Variants in PRKD1 observed in about 807,000 individuals in gnomAD.
PRKD1 encodes the protein serine/threonine-protein kinase D1.
PRKD1 carries 63 observed loss-of-function variants against 95.9 expected under a neutral mutation model. The ratio of observed to expected loss-of-function variants is 0.66; its 90% CI spans 0.54 to 0.81. PRKD1 has a LOEUF of 0.81. Ranked by LOEUF, PRKD1 falls within the 30% of genes least tolerant of loss-of-function variation. PRKD1 has a pLI of 0.00. For missense variants in PRKD1, 1,048 were observed against 1,165.3 expected, an observed-to-expected ratio of 0.90 and a Z score of 1.47; for synonymous variants, 425 against 423.1, an observed-to-expected ratio of 1.00 and a Z score of -0.05.
intron 1 of PRKD1, among the ~76,000 whole-genome samples, chr14:29,853,801 C>T (rs1255393467): frequency 1.3e-5 from 2 of 152,160 alleles, no homozygotes; most frequent in Non-Finnish European, 1.5e-5. Context: ...ATCATGGGCG[C>T]AGGTCTTTCC....
intron 1 of PRKD1, among the ~76,000 whole-genome samples, chr14:29,813,693 A>C (rs1890581601): frequency 6.6e-6 from 1 of 152,186 alleles, no homozygotes; most frequent in Non-Finnish European, 1.5e-5. Flanking sequence ...CACTCAATAG[A>C]TATTAGCAAT....
At chr14:29,911,442 C>T (rs1309271715) in intron 1 of PRKD1, among the ~76,000 whole-genome samples, 1 of 152,156 alleles carries the variant, frequency 6.6e-6, no homozygotes, top group Non-Finnish European at 1.5e-5. Context: ...AACCAATGTA[C>T]ATATCTGAAG....
chr14:29,737,051 G>C (rs773360735), intron 1 of PRKD1, among the ~76,000 whole-genome samples: 6 of 151,918 alleles, frequency 3.9e-5, no homozygotes, highest in Non-Finnish European at 8.8e-5. Context: ...GGCCGGGCGC[G>C]GTGGCTCACG....
At chr14:29,924,341 G>A (rs778456750) in intron 1 of PRKD1, among the ~76,000 whole-genome samples, 1 of 151,956 alleles carries the variant, frequency 6.6e-6, no homozygotes, top group Non-Finnish European at 1.5e-5. Flanking sequence ...AAGTACAATC[G>A]TGTCTGCTAC....
rs537310278 is a variant in PRKD1 at position 29,784,073 on chromosome 14, T to C, written c.265-58399A>G. On this transcript the variant is annotated intron_variant, in intron 1 of 17. Coordinates refer to ENST00000331968, the MANE Select transcript of PRKD1 (RefSeq NM_002742.3). Reference sequence around the variant, plus strand: ...CCAATGTCCTGAAGCATTTTCTCTATGTTTTCTTCTAGCGGTTTTATAGTT... The same window carrying C: ...CCAATGTCCTGAAGCATTTTCTCTACGTTTTCTTCTAGCGGTTTTATAGTT... Among the ~76,000 whole-genome samples the C allele has an allele frequency of 5.3e-4, 81 of 152,318 alleles. No homozygotes were observed. In the Middle Eastern group the frequency reaches 0.01, roughly 19 times the overall value.
intron 2 of PRKD1, among the ~76,000 whole-genome samples, chr14:29,676,978 C>A (rs1883264345): frequency 6.6e-6 from 1 of 152,172 alleles, no homozygotes; most frequent in Admixed American, 6.5e-5. Flanking sequence ...TTCAAGTTCT[C>A]AATAGCTACA....
intron 16 of PRKD1, among the ~76,000 whole-genome samples, chr14:29,583,459 C>T (rs1892813779): frequency 1.3e-5 from 2 of 152,080 alleles, no homozygotes; most frequent in African/African-American, 4.8e-5. Flanking sequence ...GCTAGTTCCT[C>T]CTTCTTTTTG....
chr14:29,901,827 A>G (rs1462451040), intron 1 of PRKD1, among the ~76,000 whole-genome samples: 1 of 152,168 alleles, frequency 6.6e-6, no homozygotes, highest in Non-Finnish European at 1.5e-5. Context: ...GATGTTAGGA[A>G]AAACAGGTAT....
At chr14:29,923,951 T>C (rs142851894) in intron 1 of PRKD1, among the ~76,000 whole-genome samples, 4 of 152,266 alleles carry the variant, frequency 2.6e-5, no homozygotes, top group African/African-American at 9.6e-5. Context: ...GTCTACATAT[T>C]CAAGGTTTCT....
At chr14:29,689,285 A>G (rs1310429712) in intron 2 of PRKD1, among the ~76,000 whole-genome samples, 2 of 152,040 alleles carry the variant, frequency 1.3e-5, no homozygotes, top group East Asian at 3.9e-4. Flanking sequence ...AAAACATTAC[A>G]AAGTGGGAAA....
intron 4 of PRKD1, among the ~76,000 whole-genome samples, chr14:29,651,822 G>A (rs935505102): frequency 7.9e-5 from 12 of 152,028 alleles, no homozygotes; most frequent in African/African-American, 2.9e-4. Context: ...TCTGCTCACT[G>A]CAACCTCCAC....
chr14:29,892,328 A>G (rs1893965792), intron 1 of PRKD1, among the ~76,000 whole-genome samples: 1 of 152,018 alleles, frequency 6.6e-6, no homozygotes. Context: ...TAAAGAACTC[A>G]AGTTTTCCAA....
intron 1 of PRKD1, among the ~76,000 whole-genome samples, chr14:29,730,723 G>A (rs1886390377): frequency 6.6e-6 from 1 of 152,094 alleles, no homozygotes; most frequent in African/African-American, 2.4e-5. Context: ...TTCCGGACAT[G>A]ATTAAACCTG....
At chr14:29,907,937 C>CCAGTTTTTAA (rs774103058) in intron 1 of PRKD1, among the ~76,000 whole-genome samples, 13 of 152,024 alleles carry the variant, frequency 8.6e-5, no homozygotes, top group Non-Finnish European at 1.5e-4. Context: ...TTTTAAAAAT[C>CCAGTTTTTAA]AAGCCAGTTC....
At chr14:29,886,809 A>T (rs1298904849) in intron 1 of PRKD1, among the ~76,000 whole-genome samples, 2 of 152,192 alleles carry the variant, frequency 1.3e-5, no homozygotes, top group Non-Finnish European at 2.9e-5. Context: ...TAGACTGAAC[A>T]ATTATTTTGT....
At chr14:29,736,041 AT>A (rs1319383492) in intron 1 of PRKD1, among the ~76,000 whole-genome samples, 2 of 152,160 alleles carry the variant, frequency 1.3e-5, no homozygotes, top group East Asian at 3.9e-4. Flanking sequence ...TGACTAAAGT[AT>A]GAATATTCTC....
chr14:29,637,830 C>A (rs530118770), intron 6 of PRKD1, among the ~76,000 whole-genome samples: 1 of 152,258 alleles, frequency 6.6e-6, no homozygotes, highest in South Asian at 2.1e-4. Flanking sequence ...TCTTTTACAG[C>A]CATTTTCCTT....
intron 1 of PRKD1, among the ~76,000 whole-genome samples, chr14:29,854,505 C>T (rs968962831): frequency 1.3e-5 from 2 of 152,148 alleles, no homozygotes; most frequent in Non-Finnish European, 2.9e-5. Context: ...CAAGAGGAGA[C>T]TTGAGTGCTG....
intron 1 of PRKD1, among the ~76,000 whole-genome samples, chr14:29,779,480 C>T (rs1038702983): frequency 3.2e-4 from 48 of 152,108 alleles, no homozygotes; most frequent in Admixed American, 3.1e-3. Flanking sequence ...ACAAGCATTC[C>T]TATACACCAA....
Sources: allele counts gnomAD v4.1 joint callset (sites outside exome capture counted in the v4.1 genomes callset), GRCh38; gene constraint gnomAD v4.1.1; transcripts MANE v1.5; gene names NCBI Gene and HGNC (gene_info 2026-07-23, HGNC 2026-07-21).